The following BRINP3 variants were observed in gnomAD, a reference collection of about 807,000 sequenced individuals.
BRINP3 encodes BMP/retinoic acid-inducible neural-specific protein 3.
Under a neutral mutation model 71.0 loss-of-function variants are expected in BRINP3, and 19 were observed. The observed-to-expected ratio is 0.27, with a 90% CI of 0.19 to 0.39. The LOEUF is 0.39. BRINP3 is among the 10% of genes least tolerant of loss of function. The pLI, the probability that BRINP3 is intolerant of heterozygous loss-of-function variation, is 1.00. For synonymous variants in BRINP3, 380 were observed against 337.7 expected (o/e 1.13, Z -1.37); for missense variants, 959 against 940.8 (o/e 1.02, Z -0.25).
chr1:190,249,508 T>A (rs1411588313), intron 4 of BRINP3, among the ~76,000 whole-genome samples: 1 of 151,892 alleles, frequency 6.6e-6, no homozygotes, highest in East Asian at 1.9e-4. Flanking sequence ...ATGTAAAAAA[T>A]AGCAACTGAT....
chr1:190,365,806 G>GTATATATATATA (rs66540359), intron 2 of BRINP3, among the ~76,000 whole-genome samples: 238 of 127,842 alleles, frequency 1.9e-3, no homozygotes, highest in African/African-American at 6.1e-3. Flanking sequence ...GAGAGCAAGT[G>GTATATATATATA]TATATATATA....
chr1:190,412,395 TTATA>T (rs10552194), intron 2 of BRINP3, among the ~76,000 whole-genome samples: 1,937 of 134,946 alleles, frequency 0.014, 42 homozygotes, highest in African/African-American at 0.049. Context: ...TATATATATA[TTATA>T]TATATATATA....
At chr1:190,152,287 C>T (rs1396789513) in intron 7 of BRINP3, among the ~76,000 whole-genome samples, 1 of 151,726 alleles carries the variant, frequency 6.6e-6, no homozygotes. Flanking sequence ...CAGTCATTAT[C>T]TCAACACTTT....
At chr1:190,331,940 C>T (rs1174805059) in intron 2 of BRINP3, among the ~76,000 whole-genome samples, 1 of 151,936 alleles carries the variant, frequency 6.6e-6, no homozygotes, top group East Asian at 1.9e-4. Context: ...CAATGCATCA[C>T]TAGTATTTTC....
chr1:190,458,197 AT>A (rs1166334004), intron 1 of BRINP3, among the ~76,000 whole-genome samples: 1 of 151,882 alleles, frequency 6.6e-6, no homozygotes, highest in Non-Finnish European at 1.5e-5. Context: ...TACAGAAATA[AT>A]TTTTTTCTGA....
intron 2 of BRINP3, among the ~76,000 whole-genome samples, chr1:190,445,638 C>T (rs1298219044): frequency 6.6e-6 from 1 of 151,302 alleles, no homozygotes; most frequent in Non-Finnish European, 1.5e-5. Flanking sequence ...GTGCTAAAAC[C>T]CAGTTTTTTT....
At chr1:190,421,448 G>A (rs1673378785) in intron 2 of BRINP3, among the ~76,000 whole-genome samples, 2 of 151,136 alleles carry the variant, frequency 1.3e-5, no homozygotes, top group Admixed American at 1.3e-4. Flanking sequence ...ACTAAAAATG[G>A]ATCTACATGT....
intron 2 of BRINP3, among the ~76,000 whole-genome samples, chr1:190,452,659 A>T (rs894018737): frequency 2.6e-5 from 4 of 152,048 alleles, no homozygotes; most frequent in African/African-American, 9.7e-5. Context: ...AGAAGTTCAA[A>T]ACCAGCCTCA....
chr1:190,135,468 G>A (rs531222001), intron 7 of BRINP3, among the ~76,000 whole-genome samples: 34 of 152,076 alleles, frequency 2.2e-4, no homozygotes, highest in Admixed American at 5.9e-4. Context: ...CTTAATTTTG[G>A]TGTGTATGCA....
intron 1 of BRINP3, among the ~76,000 whole-genome samples, chr1:190,465,458 G>C (rs1676676965): frequency 6.6e-6 from 1 of 151,844 alleles, no homozygotes; most frequent in African/African-American, 2.4e-5. Flanking sequence ...ATCCTGCTAA[G>C]TCAGTTTTAT....
intron 2 of BRINP3, among the ~76,000 whole-genome samples, chr1:190,402,843 C>A (rs890037731): frequency 6.6e-6 from 1 of 152,132 alleles, no homozygotes; most frequent in Non-Finnish European, 1.5e-5. Context: ...GCAATTCTCC[C>A]ACTTCAGCCT....
intron 2 of BRINP3, among the ~76,000 whole-genome samples, chr1:190,284,118 A>T (rs1162376687): frequency 6.6e-6 from 1 of 152,026 alleles, no homozygotes; most frequent in Non-Finnish European, 1.5e-5. Flanking sequence ...CATGCTAGAA[A>T]AGTGCAATTC....
intron 2 of BRINP3, among the ~76,000 whole-genome samples, chr1:190,432,732 A>C (rs957933788): frequency 6.6e-6 from 1 of 152,156 alleles, no homozygotes; most frequent in Non-Finnish European, 1.5e-5. Context: ...TACTAATTTA[A>C]TCCATCTGTG....
In BRINP3 at chr1:190,277,560, AAC is replaced by A. The variant is rs146686686; in HGVS notation, c.427+3998_427+3999del. ...GTTTTGTCTTTTAAAATTGATCCAG[AAC>A]ACAGTTTTGTTGCATTATAGTAAAC... On this transcript the variant is annotated intron_variant, in intron 3 of 7. Coordinates refer to ENST00000367462, the MANE Select transcript of BRINP3 (RefSeq NM_199051.3). Among the ~76,000 whole-genome samples the A allele has an allele frequency of 5.1e-4, 78 of 151,832 alleles. 1 individual carries two copies. The East Asian group carries it at 0.015, about 28-fold the overall frequency.
chr1:190,414,858 G>T (rs12070720), intron 2 of BRINP3, among the ~76,000 whole-genome samples: 1 of 152,132 alleles, frequency 6.6e-6, no homozygotes, highest in Non-Finnish European at 1.5e-5. Flanking sequence ...AGATAGAAGA[G>T]GAGCTGCTGT....
chr1:190,301,675 G>T (rs529983829), intron 2 of BRINP3, among the ~76,000 whole-genome samples: 1 of 151,824 alleles, frequency 6.6e-6, no homozygotes, highest in South Asian at 2.1e-4. Context: ...ACAAAGCAAG[G>T]TGAGAAAACT....
At chr1:190,381,378 C>T (rs1416318405) in intron 2 of BRINP3, among the ~76,000 whole-genome samples, 2 of 152,048 alleles carry the variant, frequency 1.3e-5, no homozygotes, top group Non-Finnish European at 2.9e-5. Context: ...ATTATTTGGC[C>T]TCACTAACAA....
Position 190,098,279 on chromosome 1 carries a change from A to T in BRINP3, c.2040T>A (p.Ile680=). 1 of 1,614,174 alleles carries T rather than the reference A, an allele frequency of 6.2e-7. No individual in the cohort carries two copies. The highest frequency in any genetic ancestry group is 8.5e-7 in the Non-Finnish European group (1 of 1,180,032). The stretch of plus-strand genomic sequence containing the variant: ...AGTCCAGCTGCAAAATCAGGTCCCG[A>T]ATTGCTTCAGGGTCAAAGTGCATGC... ...GYSMHFDPEA[I]RDLILQLDYP... Residue 680 remains isoleucine (I), a synonymous_variant, in exon 8 of 8, where the codon ATT becomes ATA. Transcript: ENST00000367462.
In BRINP3 at chr1:190,234,814, T is replaced by C. The variant is rs117691974; in HGVS notation, c.619-337A>G. ...ATGGAAGACAGCGAGTTCTGACTTA[T>C]ATGAGAATTGTTTGTGTTTGTTTTT... On this transcript the variant is annotated intron_variant, in intron 4 of 7. Transcript: ENST00000367462. Among the ~76,000 whole-genome samples, 38 of 152,258 alleles carry C rather than the reference T, an allele frequency of 2.5e-4. No homozygotes were observed. The East Asian group carries it at 6.8e-3, about 27-fold the overall frequency.
Sources: gnomAD v4.1 joint callset for allele counts (sites outside exome capture counted in the v4.1 genomes callset) on GRCh38, gnomAD v4.1.1 for gene constraint, MANE v1.5 for transcripts, NCBI Gene and HGNC (gene_info 2026-07-23, HGNC 2026-07-21) for gene names.